SLIT2: variants seen among roughly 807,000 people sequenced by gnomAD.
SLIT2 encodes slit homolog 2 protein.
Under a neutral mutation model 185.7 loss-of-function variants are expected in SLIT2, and 41 were observed. The ratio of observed to expected loss-of-function variants is 0.22; its 90% confidence interval spans 0.17 to 0.29. The LOEUF is 0.29. SLIT2 is among the 10% of genes least tolerant of loss of function. The pLI is 1.00. For synonymous variants in SLIT2, 693 were observed against 680.2 expected, an observed-to-expected ratio of 1.02 and a Z score of -0.29; for missense variants, 1,571 against 1,909.0, an observed-to-expected ratio of 0.82 and a Z score of 3.30.
intron 4 of SLIT2, among the ~76,000 whole-genome samples, chr4:20,407,253 G>A (rs1018115397): frequency 3.3e-5 from 5 of 152,108 alleles, no homozygotes; most frequent in Non-Finnish European, 5.9e-5. Context: ...AGCTGTATAT[G>A]TATGATTTGT....
chr4:20,576,224 T>C (rs910622469), intron 29 of SLIT2, among the ~76,000 whole-genome samples: 2 of 152,226 alleles, frequency 1.3e-5, no homozygotes, highest in African/African-American at 4.8e-5. Context: ...ATGGGAATTC[T>C]TTATTCAATT....
intron 26 of SLIT2, among the ~76,000 whole-genome samples, chr4:20,562,852 T>C (rs1302080851): frequency 6.6e-6 from 1 of 151,740 alleles, no homozygotes; most frequent in Non-Finnish European, 1.5e-5. Flanking sequence ...TCTGGCTTGA[T>C]AGAAGGGCAG....
chr4:20,400,938 T>C (rs1322308832), intron 4 of SLIT2, among the ~76,000 whole-genome samples: 1 of 151,796 alleles, frequency 6.6e-6, no homozygotes, highest in Admixed American at 6.6e-5. Context: ...ACTCTGAGAT[T>C]TTTCCATAGT....
chr4:20,525,294 C>T lies in SLIT2; in HGVS notation c.1462+122C>T, dbSNP rs929782434. The T allele has an allele frequency of 3.2e-4, 226 of 711,208 alleles. 1 individual carries two copies. In the East Asian group the frequency reaches 5.5e-3, roughly 17 times the overall value. The allele number at this position is 711,208 out of a possible 1,614,324, so 44.1% of individuals were successfully genotyped here. A position where few individuals can be genotyped will look rare whatever the true frequency, so the allele number is the denominator to read the frequency against. On this transcript the variant is annotated intron_variant, in intron 15 of 36. Coordinates refer to ENST00000504154, the MANE Select transcript of SLIT2 (RefSeq NM_004787.4). ...AGTGGATACTCTATAGATAGATTGA[C>T]TTATGCATATATCACTTGTAGCTGT...
chr4:20,505,390 A>C (rs1354459031), intron 9 of SLIT2, among the ~76,000 whole-genome samples: 2 of 152,132 alleles, frequency 1.3e-5, no homozygotes, highest in African/African-American at 2.4e-5. Context: ...AAATGTAGAA[A>C]TATCTCTTGA....
intron 4 of SLIT2, among the ~76,000 whole-genome samples, chr4:20,326,142 T>C (rs1014428975): frequency 6.6e-6 from 1 of 152,090 alleles, no homozygotes; most frequent in Non-Finnish European, 1.5e-5. Context: ...GAACTGCATA[T>C]TCTGACATTT....
intron 17 of SLIT2, among the ~76,000 whole-genome samples, chr4:20,532,395 ATT>A (rs3836698): frequency 6.6e-6 from 1 of 151,120 alleles, no homozygotes; most frequent in African/African-American, 2.4e-5. Flanking sequence ...CCATGCTGTT[ATT>A]TTTTTTTTCA....
At chr4:20,418,449 G>A (rs188923102) in intron 4 of SLIT2, among the ~76,000 whole-genome samples, 77 of 152,180 alleles carry the variant, frequency 5.1e-4, no homozygotes, top group Non-Finnish European at 9.3e-4. Flanking sequence ...GTAATGAAAC[G>A]TTTTTGTATT....
intron 4 of SLIT2, among the ~76,000 whole-genome samples, chr4:20,447,787 C>T (rs546970534): frequency 1.6e-4 from 25 of 152,298 alleles, no homozygotes; most frequent in Admixed American, 9.1e-4. Context: ...CACGGACACA[C>T]GCAAGTGCCC....
chr4:20,498,604 C>A (rs1718438594), intron 9 of SLIT2, among the ~76,000 whole-genome samples: 1 of 152,160 alleles, frequency 6.6e-6, no homozygotes, highest in African/African-American at 2.4e-5. Context: ...ACAGAAATTT[C>A]ATAAATCATG....
chr4:20,557,377 A>G (rs940994284), intron 26 of SLIT2, among the ~76,000 whole-genome samples: 2 of 151,996 alleles, frequency 1.3e-5, no homozygotes, highest in Non-Finnish European at 2.9e-5. Context: ...CTCATTTACC[A>G]TTCCGAAAAT....
At chr4:20,388,778 GAAA>G (rs67546102) in intron 4 of SLIT2, among the ~76,000 whole-genome samples, 63 of 125,830 alleles carry the variant, frequency 5.0e-4, no homozygotes, top group African/African-American at 1.6e-3. Context: ...CGTCTCAGGG[GAAA>G]AAAAAAAAAA....
chr4:20,583,717 G>A (rs1387034744), intron 29 of SLIT2, among the ~76,000 whole-genome samples: 1 of 152,002 alleles, frequency 6.6e-6, no homozygotes, highest in Non-Finnish European at 1.5e-5. Flanking sequence ...GCTGAGACAG[G>A]AGAATCGTTT....
intron 9 of SLIT2, among the ~76,000 whole-genome samples, chr4:20,499,507 T>C (rs1479343996): frequency 6.6e-6 from 1 of 152,156 alleles, no homozygotes; most frequent in African/African-American, 2.4e-5. Context: ...TGTTTGTTTT[T>C]GAGACAGAGT....
intron 30 of SLIT2, among the ~76,000 whole-genome samples, chr4:20,591,054 A>G (rs1417109573): frequency 6.6e-6 from 1 of 152,214 alleles, no homozygotes; most frequent in Non-Finnish European, 1.5e-5. Context: ...AGCAAATAGC[A>G]TTATCTGTTC....
intron 4 of SLIT2, among the ~76,000 whole-genome samples, chr4:20,323,808 T>C (rs916538569): frequency 2.0e-5 from 3 of 152,196 alleles, no homozygotes; most frequent in Non-Finnish European, 4.4e-5. Context: ...CATAAAATAG[T>C]TTGTTTCTGA....
At chr4:20,617,991 C>T (rs1363522856) in intron 36 of SLIT2, among the ~76,000 whole-genome samples, 1 of 152,134 alleles carries the variant, frequency 6.6e-6, no homozygotes, top group Non-Finnish European at 1.5e-5. Flanking sequence ...TCCTGTCTTA[C>T]CTTTACCGGC....
intron 4 of SLIT2, among the ~76,000 whole-genome samples, chr4:20,387,781 A>C (rs559489213): frequency 6.6e-6 from 1 of 152,082 alleles, no homozygotes; most frequent in Non-Finnish European, 1.5e-5. Context: ...CGTATAACTG[A>C]ATTCTGCCAA....
At chr4:20,344,218 A>G (rs1402133695) in intron 4 of SLIT2, among the ~76,000 whole-genome samples, 3 of 152,198 alleles carry the variant, frequency 2.0e-5, no homozygotes, top group African/African-American at 4.8e-5. Context: ...GTGGCTTACA[A>G]TCCAGGAGAG....
Sources: gnomAD v4.1 joint callset for allele counts (sites outside exome capture counted in the v4.1 genomes callset) on GRCh38, gnomAD v4.1.1 for gene constraint, MANE v1.5 for transcripts, NCBI Gene and HGNC (gene_info 2026-07-23, HGNC 2026-07-21) for gene names.